MACROD2: variants seen among roughly 807,000 people sequenced by gnomAD.
MACROD2 encodes mono-ADP ribosylhydrolase 2.
MACROD2 carries 36 observed loss-of-function variants against 70.4 expected under a neutral mutation model. The ratio of observed to expected loss-of-function variants is 0.51; its 90% CI spans 0.39 to 0.68. The LOEUF (loss-of-function observed/expected upper bound fraction) is 0.68. Ranked by LOEUF, MACROD2 falls within the 30% of genes least tolerant of loss-of-function variation. MACROD2 has a pLI of 0.00. For synonymous variants in MACROD2, 172 were observed against 178.8 expected (o/e 0.96, Z 0.30); for missense variants, 496 against 538.4 (o/e 0.92, Z 0.78).
intron 5 of MACROD2, among the ~76,000 whole-genome samples, chr20:15,032,310 C>CT (rs1247491721): frequency 6.6e-6 from 1 of 152,252 alleles, no homozygotes; most frequent in African/African-American, 2.4e-5. Flanking sequence ...GAGTGGGCCT[C>CT]TGGCCTGCTC....
rs528891028 is a variant in MACROD2, at chr20:14,389,460, A to G, written c.272-104019A>G. On this transcript the variant is annotated intron_variant, in intron 3 of 17. Transcript: ENST00000684519. ...AAAAAAAGACATAGGGTCTCCGTCA[A>G]TTGCCCAGGCCGGAGTGCAGTGGCA... Among the ~76,000 whole-genome samples, 9 of 150,040 alleles carry G rather than the reference A, an allele frequency of 6.0e-5. No individual in the cohort carries two copies. In the South Asian group the frequency reaches 1.5e-3, roughly 25 times the overall value.
intron 2 of MACROD2, among the ~76,000 whole-genome samples, chr20:14,066,127 T>G (rs1461919596): frequency 6.6e-6 from 1 of 152,224 alleles, no homozygotes; most frequent in African/African-American, 2.4e-5. Flanking sequence ...AATTACATCT[T>G]TTGAAAATTT....
chr20:15,108,028 A>G (rs1003341044), intron 5 of MACROD2, among the ~76,000 whole-genome samples: 7 of 151,340 alleles, frequency 4.6e-5, no homozygotes, highest in African/African-American at 9.7e-5. Context: ...TTAAAAATCA[A>G]TCACTTACTA....
chr20:14,224,859 G>C (rs2081717496), intron 3 of MACROD2, among the ~76,000 whole-genome samples: 1 of 152,158 alleles, frequency 6.6e-6, no homozygotes, highest in Admixed American at 6.5e-5. Flanking sequence ...AAATGCCACT[G>C]TTGTGAATAG....
At chr20:15,766,533 G>C (rs538147005) in intron 8 of MACROD2, among the ~76,000 whole-genome samples, 1 of 152,108 alleles carries the variant, frequency 6.6e-6, no homozygotes, top group South Asian at 2.1e-4. Context: ...TTCTTGGCCA[G>C]CTGCTAAGGA....
At chr20:14,834,000 T>C (rs965589176) in intron 5 of MACROD2, among the ~76,000 whole-genome samples, 2 of 152,058 alleles carry the variant, frequency 1.3e-5, no homozygotes, top group African/African-American at 4.8e-5. Flanking sequence ...AAAATTAAAT[T>C]TTCTGAGAAA....
At chr20:14,754,990 G>C (rs1046000069) in intron 5 of MACROD2, among the ~76,000 whole-genome samples, 3 of 152,038 alleles carry the variant, frequency 2.0e-5, no homozygotes, top group African/African-American at 7.3e-5. Context: ...CAAAAGTAAT[G>C]TCAGCTTTGT....
At chr20:14,312,173 C>T (rs2082573705) in intron 3 of MACROD2, among the ~76,000 whole-genome samples, 2 of 152,136 alleles carry the variant, frequency 1.3e-5, no homozygotes, top group Non-Finnish European at 2.9e-5. Flanking sequence ...TAAGACTCCC[C>T]TGGAAACTGA....
intron 8 of MACROD2, among the ~76,000 whole-genome samples, chr20:15,684,428 C>A (rs2050200589): frequency 6.6e-6 from 1 of 152,202 alleles, no homozygotes; most frequent in African/African-American, 2.4e-5. Flanking sequence ...TGATTAGAGG[C>A]AAATAGCACT....
At chr20:15,191,040 T>C (rs558055055) in intron 5 of MACROD2, among the ~76,000 whole-genome samples, 87 of 152,254 alleles carry the variant, frequency 5.7e-4, no homozygotes, top group South Asian at 1.5e-3. Flanking sequence ...TTATCAAAAA[T>C]ATAGAAAACT....
At chr20:15,488,996 A>G (rs1470558975) in intron 7 of MACROD2, among the ~76,000 whole-genome samples, 1 of 152,218 alleles carries the variant, frequency 6.6e-6, no homozygotes, top group African/African-American at 2.4e-5. Flanking sequence ...ACTGGAGCTC[A>G]TAAGTTTGAG....
At position 15,478,711 on chromosome 20, in the gene MACROD2, T is replaced by G. The variant is rs374294382; in HGVS notation, c.572-21063T>G. On this transcript the variant is annotated intron_variant, in intron 7 of 17. Coordinates refer to ENST00000684519, the MANE Select transcript of MACROD2 (RefSeq NM_001351661.2). ...GGCAGAATGTGACAGCCTGTGAATG[T>G]CACAGTAAATAAGGGAGTTGGCTAT... 2.8e-4 allele frequency among the ~76,000 whole-genome samples: 42 copies of G among 152,318 alleles called. No individual in the cohort carries two copies. The East Asian group carries it at 3.1e-3, about 11-fold the overall frequency.
intron 5 of MACROD2, among the ~76,000 whole-genome samples, chr20:14,862,258 T>A (rs1424536538): frequency 4.3e-5 from 2 of 46,880 alleles, no homozygotes; most frequent in Non-Finnish European, 6.8e-5. Context: ...TTAATATATA[T>A]AAATATATTA....
At chr20:15,665,267 C>A (rs1438328104) in intron 8 of MACROD2, among the ~76,000 whole-genome samples, 1 of 152,202 alleles carries the variant, frequency 6.6e-6, no homozygotes, top group Admixed American at 6.5e-5. Context: ...ATTATTGTGC[C>A]CCCTACTTTC....
chr20:15,538,192 A>G (rs2097333967), intron 8 of MACROD2, among the ~76,000 whole-genome samples: 1 of 152,254 alleles, frequency 6.6e-6, no homozygotes, highest in Non-Finnish European at 1.5e-5. Flanking sequence ...TATCAATTTT[A>G]TCATCCATTC....
intron 5 of MACROD2, among the ~76,000 whole-genome samples, chr20:15,129,929 A>G (rs541382114): frequency 1.3e-5 from 2 of 152,232 alleles, no homozygotes; most frequent in African/African-American, 2.4e-5. Flanking sequence ...GTGAAGAGGA[A>G]CAGAAAGCAG....
chr20:15,718,376 C>T (rs942844543), intron 8 of MACROD2, among the ~76,000 whole-genome samples: 1 of 152,210 alleles, frequency 6.6e-6, no homozygotes, highest in African/African-American at 2.4e-5. Flanking sequence ...CTACCAAAAA[C>T]ATTGGCTCCC....
At chr20:15,874,052 TA>T (rs2064626754) in intron 9 of MACROD2, among the ~76,000 whole-genome samples, 1 of 150,616 alleles carries the variant, frequency 6.6e-6, no homozygotes, top group South Asian at 2.2e-4. Flanking sequence ...CTCCTAACGC[TA>T]TCCCTCCCCC....
At chr20:15,138,973 A>G (rs2076171452) in intron 5 of MACROD2, among the ~76,000 whole-genome samples, 2 of 152,184 alleles carry the variant, frequency 1.3e-5, no homozygotes, top group South Asian at 4.1e-4. Context: ...GTCTAATCAT[A>G]GAAGGAGTTG....
Sources: allele counts gnomAD v4.1 joint callset (sites outside exome capture counted in the v4.1 genomes callset), GRCh38; gene constraint gnomAD v4.1.1; transcripts MANE v1.5; gene names NCBI Gene and HGNC (gene_info 2026-07-23, HGNC 2026-07-21).